The following ABL1 variants were observed in gnomAD, a reference collection of about 807,000 sequenced individuals.
The protein encoded by ABL1 is ABL proto-oncogene 1, non-receptor tyrosine kinase, also known as tyrosine-protein kinase ABL1.
A neutral mutation model predicts 94.7 loss-of-function variants in ABL1; 11 were observed. The observed-to-expected ratio is 0.12, with a 90% confidence interval of 0.07 to 0.19. ABL1 has a LOEUF of 0.19. Among genes scored for constraint, ABL1 ranks in the 10% least tolerant of loss-of-function variants. The pLI is 1.00. For missense variants in ABL1, 1,082 were observed against 1,489.4 expected (o/e 0.73, Z 4.50); for synonymous variants, 656 against 622.4 (o/e 1.05, Z -0.80).
intron 1 of ABL1, among the ~76,000 whole-genome samples, chr9:130,726,476 G>A (rs138536255): frequency 3.3e-5 from 5 of 152,030 alleles, no homozygotes; most frequent in Admixed American, 1.3e-4. Flanking sequence ...CCTCACATTG[G>A]TAATTTGTGT....
At chr9:130,831,656 T>A (rs1830496340), upstream of ABL1, among the ~76,000 whole-genome samples, 1 of 152,208 alleles carries the variant, frequency 6.6e-6, no homozygotes, top group South Asian at 2.1e-4. Flanking sequence ...CTGCCCAGGC[T>A]GGAGTGCAGT....
intron 1 of ABL1, among the ~76,000 whole-genome samples, chr9:130,821,511 AT>A (rs1222240316): frequency 4.6e-5 from 7 of 151,844 alleles, no homozygotes; most frequent in Non-Finnish European, 7.4e-5. Flanking sequence ...ACGGACATAC[AT>A]TTTTCTCTAT....
chr9:130,837,499 A>T (rs1830606580), intron 1 of ABL1, among the ~76,000 whole-genome samples: 1 of 151,566 alleles, frequency 6.6e-6, no homozygotes, highest in South Asian at 2.1e-4. Flanking sequence ...AAAATCTAAA[A>T]CTCATTCCAA....
At chr9:130,747,826 C>A (rs933356957) in intron 1 of ABL1, among the ~76,000 whole-genome samples, 3 of 152,184 alleles carry the variant, frequency 2.0e-5, no homozygotes, top group African/African-American at 7.2e-5. Flanking sequence ...CCTTTTCTCC[C>A]ATATAGGGTA....
At chr9:130,854,015 C>G (rs748519041) in intron 1 of ABL1, 49 bp from the exon 2 acceptor site, 1 of 1,545,766 alleles carries the variant, frequency 6.5e-7, no homozygotes, top group Non-Finnish European at 8.7e-7. Flanking sequence ...TTTTTTCTCC[C>G]AATTTTCTCT....
At chr9:130,725,256 T>C (rs4740360) in intron 1 of ABL1, among the ~76,000 whole-genome samples, 80,724 of 151,952 alleles carry the variant, frequency 0.53, 23,280 homozygotes, top group African/African-American at 0.76. Flanking sequence ...CTTTCCCCAC[T>C]TCTTGGTAAC....
intron 1 of ABL1, among the ~76,000 whole-genome samples, chr9:130,801,275 G>A (rs1434312762): frequency 6.6e-6 from 1 of 151,374 alleles, no homozygotes; most frequent in Admixed American, 6.6e-5. Flanking sequence ...AATCATGCAG[G>A]CTGGAGTGCA....
chr9:130,819,997 C>T (rs1830338905), intron 1 of ABL1, among the ~76,000 whole-genome samples: 1 of 151,792 alleles, frequency 6.6e-6, no homozygotes, highest in Non-Finnish European at 1.5e-5. Context: ...CTTGGCTTCT[C>T]TATACCCTAT....
upstream of ABL1, among the ~76,000 whole-genome samples, chr9:130,831,038 T>C (rs1830489361): frequency 6.6e-6 from 1 of 152,244 alleles, no homozygotes; most frequent in Non-Finnish European, 1.5e-5. Flanking sequence ...TAGTTGGACA[T>C]ACACTGGACC....
chr9:130,807,949 T>G (rs1158554815), intron 1 of ABL1, among the ~76,000 whole-genome samples: 1 of 151,434 alleles, frequency 6.6e-6, no homozygotes, highest in South Asian at 2.1e-4. Flanking sequence ...CCCCCCCACC[T>G]CAGCTTTTCA....
intron 1 of ABL1, among the ~76,000 whole-genome samples, chr9:130,797,938 T>G (rs72765047): frequency 0.021 from 3,250 of 152,178 alleles, 42 homozygotes; most frequent in South Asian, 0.05. Flanking sequence ...CCCATGTCTT[T>G]TCACTTTTTT....
At chr9:130,735,959 A>ATTTTT (rs1168330887) in intron 1 of ABL1, among the ~76,000 whole-genome samples, 51 of 81,716 alleles carry the variant, frequency 6.2e-4, no homozygotes, top group African/African-American at 4.1e-3. Context: ...ATATATATAT[A>ATTTTT]TATTTTTTTT....
chr9:130,811,547 TATA>T (rs1394839358), intron 1 of ABL1, among the ~76,000 whole-genome samples: 1 of 152,132 alleles, frequency 6.6e-6, no homozygotes, highest in Non-Finnish European at 1.5e-5. Context: ...TGTGAAGTTG[TATA>T]ATGTCAATTG....
chr9:130,818,877 T>A (rs1588251752), intron 1 of ABL1, among the ~76,000 whole-genome samples: 1 of 152,244 alleles, frequency 6.6e-6, no homozygotes, highest in South Asian at 2.1e-4. Context: ...TATCTGCATT[T>A]CCAATTTCTC....
At chr9:130,812,838 G>A (rs1830227336) in intron 1 of ABL1, among the ~76,000 whole-genome samples, 1 of 152,162 alleles carries the variant, frequency 6.6e-6, no homozygotes, top group African/African-American at 2.4e-5. Flanking sequence ...TAGAACATTC[G>A]ACCCCTAAAC....
chr9:130,798,391 T>C (rs1830008509), intron 1 of ABL1, among the ~76,000 whole-genome samples: 4 of 152,174 alleles, frequency 2.6e-5, no homozygotes, highest in Admixed American at 2.6e-4. Context: ...GCTATATTAG[T>C]GATGGTTATT....
Position 130,862,150 on chromosome 9 carries a change from G to T in ABL1, c.550-613G>T, listed in dbSNP as rs868734928. ...AAATTATAAATTAAATGAATTCTTC[G>T]CTTTTCCTACCAGCAACTACCCACC... On this transcript the variant is annotated intron_variant, in intron 3 of 10. Transcript: ENST00000318560. This position sits in a 1 kb window ranked among gnomAD's most constrained non-coding sequence, Gnocchi z 5.5. Among the ~76,000 whole-genome samples the T allele has an allele frequency of 6.6e-6, 1 of 152,084 alleles. No homozygotes were observed. Among genetic ancestry groups the T allele is most frequent in the Admixed American group, 6.5e-5 (1 of 15,274 alleles).
chr9:130,817,237 AT>A (rs1427689245), intron 1 of ABL1, among the ~76,000 whole-genome samples: 3 of 152,194 alleles, frequency 2.0e-5, no homozygotes, highest in Non-Finnish European at 4.4e-5. Flanking sequence ...TAGAAGAAAA[AT>A]TTATTCAAAG....
rs142926856 is a variant in ABL1, at chr9:130,741,816, A to G, written c.136+27361A>G. On this transcript the variant is annotated intron_variant, in intron 1 of 10. Transcript: ENST00000372348. ...CCATACCTGTCCTCAAGCATTTCCA[A>G]CCTAGTGTAGAGAAAAACAGGAGCA... is the stretch of plus-strand genomic sequence containing the variant. 2.5e-3 allele frequency among the ~76,000 whole-genome samples: 380 copies of G among 152,330 alleles called. 2 individuals carry two copies. Among genetic ancestry groups the G allele is most frequent in the African/African-American group, 6.8e-3 (283 of 41,584 alleles).
Sources: gnomAD v4.1 joint callset for allele counts (sites outside exome capture counted in the v4.1 genomes callset) on GRCh38, gnomAD v4.1.1 for gene constraint, Gnocchi (gnomAD v3.1) non-coding constraint, MANE v1.5 for transcripts, NCBI Gene and HGNC (gene_info 2026-07-23, HGNC 2026-07-21) for gene names.